The following ABCF3 variants were observed in gnomAD, a reference collection of about 807,000 sequenced individuals.
The protein encoded by ABCF3 is ATP-binding cassette sub-family F member 3.
ABCF3 carries 62 observed loss-of-function variants against 94.3 expected under a neutral mutation model. The ratio of observed to expected loss-of-function variants is 0.66; its 90% CI spans 0.54 to 0.81. The LOEUF (loss-of-function observed/expected upper bound fraction) is 0.81. Among genes scored for constraint, ABCF3 ranks in the 40% least tolerant of loss-of-function variants. The pLI is 0.00. For missense variants in ABCF3, 843 were observed against 925.3 expected, an observed-to-expected ratio of 0.91 and a Z score of 1.15; for synonymous variants, 355 against 361.1, an observed-to-expected ratio of 0.98 and a Z score of 0.19.
In ABCF3 at chr3:184,188,815, G is replaced by T. The variant is rs776220795; in HGVS notation, c.891G>T (p.Glu297Asp). 6.2e-7 allele frequency: 1 copy of T among 1,613,848 alleles called. No homozygotes were observed. Among genetic ancestry groups the T allele is most frequent in the Non-Finnish European group, 8.5e-7 (1 of 1,179,904 alleles). Residue 297 changes from glutamate (E) to aspartate (D), a missense_variant, in exon 8 of 21, where the codon GAG becomes GAT. Coordinates refer to ENST00000429586, the MANE Select transcript of ABCF3 (RefSeq NM_018358.3). ...CAGAAATCTATGCCAAACTGGAGGA[G>T]ATTGAGGCTGACAAGGCACCTGCCA... ...ELAEIYAKLE[E>D]IEADKAPARA...
In ABCF3 at chr3:184,186,658, T is replaced by A. The variant is rs1715640462; in HGVS notation, c.221+4T>A. 1 of 1,604,826 alleles carries A rather than the reference T, an allele frequency of 6.2e-7. No homozygotes were observed. Among genetic ancestry groups the A allele is most frequent in the Non-Finnish European group, 8.5e-7 (1 of 1,174,392 alleles). On this transcript the variant is annotated splice_donor_region_variant and intron_variant, in intron 2 of 20. Transcript: ENST00000429586. Reference sequence around the variant, plus strand: ...GCATGTACAACACTCTGCGTCTGTATGTGCCAGGGAGTAGGGGTTGATGGG... The same window carrying A: ...GCATGTACAACACTCTGCGTCTGTAAGTGCCAGGGAGTAGGGGTTGATGGG...
In ABCF3 at chr3:184,187,245, T is replaced by TTTGTTTTGTA. The variant is rs1440264759; in HGVS notation, c.302-150_302-149insGTTTTGTATT. 5.8e-6 allele frequency: 5 copies of TTTGTTTTGTA among 864,008 alleles called. No homozygotes were observed. In the African/African-American group the frequency reaches 8.4e-5, roughly 14 times the overall value. 53.5% of individuals were successfully genotyped at this position (864,008 alleles called of 1,614,324 possible). Reference sequence around the variant, plus strand: ...TTTGTTTTGTTTTGTTTTGTTTTGTTTTTAGTGCAGGGAAGATAATAGCCA... The same window carrying TTTGTTTTGTA: ...TTTGTTTTGTTTTGTTTTGTTTTGTTTTGTTTTGTATTTAGTGCAGGGAAGATAATAGCCA... On this transcript the variant is annotated intron_variant, in intron 3 of 20. Coordinates refer to ENST00000429586, the MANE Select transcript of ABCF3 (RefSeq NM_018358.3).
At position 184,188,301 on chromosome 3, in the gene ABCF3, G is replaced by T. The variant is rs1715780222; in HGVS notation, c.730G>T (p.Ala244Ser). The T allele has an allele frequency of 2.5e-6, 4 of 1,614,142 alleles. No individual in the cohort carries two copies. Among genetic ancestry groups the T allele is most frequent in the Non-Finnish European group, 3.4e-6 (4 of 1,180,034 alleles). Residue 244 changes from alanine (A) to serine (S), a missense_variant, in exon 7 of 21, where the codon GCT becomes TCT. By Grantham distance (99) the Ala-to-Ser change is moderately conservative. Transcript: ENST00000429586. ...ISLLHVEQEV[A>S]GDDTPALQSV... ...CCTGCTGCACGTTGAGCAAGAGGTT[G>T]CTGGAGATGACACTCCTGCCCTGCA...
intron 14 of ABCF3, chr3:184,190,464 G>T (rs1243971055): frequency 6.0e-6 from 1 of 166,148 alleles, no homozygotes; most frequent in Non-Finnish European, 1.3e-5. Context: ...GCGCAGAATT[G>T]CTGGGTTACC....
At position 184,187,675 on chromosome 3, in the gene ABCF3, A is replaced by G; in HGVS notation, c.360A>G (p.Ala120=). The G allele has an allele frequency of 1.2e-6, 2 of 1,614,202 alleles. No homozygotes were observed. Among genetic ancestry groups the G allele is most frequent in the East Asian group, 2.2e-5 (1 of 44,886 alleles). ...LKREQSSTVN[A]KKLEKAEARL... Reference sequence around the variant, plus strand: ...GTTTGGACCCTTAGACAGTGAATGCAAAGAAGTTAGAGAAGGCCGAGGCTC... The same window carrying G: ...GTTTGGACCCTTAGACAGTGAATGCGAAGAAGTTAGAGAAGGCCGAGGCTC... The change falls in exon 5 of 21, where the codon GCA becomes GCG. Residue 120 remains alanine (A), a synonymous_variant. Coordinates refer to ENST00000429586, the MANE Select transcript of ABCF3 (RefSeq NM_018358.3).
chr3:184,193,103 G>A lies in ABCF3; in HGVS notation c.1752G>A (p.Gly584=), dbSNP rs765836091. The change falls in exon 19 of 21, where the codon GGG becomes GGA. Residue 584 remains glycine, a splice_region_variant and synonymous_variant. Coordinates refer to ENST00000429586, the MANE Select transcript of ABCF3 (RefSeq NM_018358.3). The surrounding 1 kb of genome is among the most constrained non-coding windows in gnomAD (Gnocchi z 5.2). ...CTGATCTGGGGAGTCCTTTTCCAGG[G>A]CGGCCTGAGGAGGAGTACCGTCACC... ...AVELLARKFP[G]RPEEEYRHQL... 4 of 1,535,464 alleles carry A rather than the reference G, an allele frequency of 2.6e-6. No homozygotes were observed. The highest frequency in any genetic ancestry group is 1.3e-5 in the South Asian group (1 of 77,558).
In ABCF3 at chr3:184,189,549, C is replaced by A. The variant is rs2109042474; in HGVS notation, c.1114-8C>A. 1 of 1,614,084 alleles carries A rather than the reference C, an allele frequency of 6.2e-7. No individual in the cohort carries two copies. Among genetic ancestry groups the A allele is most frequent in the East Asian group, 2.2e-5 (1 of 44,872 alleles). On this transcript the variant is annotated splice_region_variant and splice_polypyrimidine_tract_variant and intron_variant, in intron 12 of 20. Transcript: ENST00000429586. ...CCAAACCGGGCCTGCTGTCCTGTGA[C>A]CCCTCAGACGTGGCCCTCCACCATC...
In ABCF3 at chr3:184,193,107, C is replaced by G. The variant is rs1338172672; in HGVS notation, c.1756C>G (p.Pro586Ala). Residue 586 changes from proline to alanine, a missense_variant, in exon 19 of 21, where the codon CCT (proline) becomes GCT (alanine). Transcript: ENST00000429586. The surrounding 1 kb of genome is among the most constrained non-coding windows in gnomAD (Gnocchi z 5.2). ...TCTGGGGAGTCCTTTTCCAGGGCGG[C>G]CTGAGGAGGAGTACCGTCACCAGCT... ...ELLARKFPGR[P>A]EEEYRHQLGR... 6.5e-7 allele frequency: 1 copy of G among 1,537,462 alleles called. No homozygotes were observed. The highest frequency in any genetic ancestry group is 1.3e-5 in the South Asian group (1 of 77,916).
At position 184,193,443 on chromosome 3, in the gene ABCF3, C is replaced by T. The variant is rs763313850; in HGVS notation, c.1962C>T (p.Asn654=). 3 of 1,614,154 alleles carry T rather than the reference C, an allele frequency of 1.9e-6. No individual in the cohort carries two copies. Among genetic ancestry groups the T allele is most frequent in the Non-Finnish European group, 1.7e-6 (2 of 1,180,032 alleles). Reference sequence around the variant, plus strand: ...TTGAGGCTCTGGGCCGTGCCCTCAACAATTTCAGGGTGAGTGTGCCTTCAC... The same window carrying T: ...TTGAGGCTCTGGGCCGTGCCCTCAATAATTTCAGGGTGAGTGTGCCTTCAC... ...ETIEALGRAL[N]NFRGGVILVS... is the part of the protein sequence containing the mutation. Residue 654 remains asparagine, a synonymous_variant, in exon 20 of 21, where the codon AAC becomes AAT. Transcript: ENST00000429586. The surrounding 1 kb of genome is among the most constrained non-coding windows in gnomAD (Gnocchi z 5.2).
chr3:184,187,053 G>A (rs1402762432), intron 3 of ABCF3, 178 bp downstream of exon 3: 10 of 689,188 alleles, frequency 1.5e-5, no homozygotes, highest in Non-Finnish European at 2.4e-5. Context: ...GAGGTTGGAG[G>A]GTTCTCCCTC....
chr3:184,191,078 G>A, intron 15 of ABCF3, 35 bp downstream of exon 15: 4 of 1,614,216 alleles, frequency 2.5e-6, no homozygotes, highest in Non-Finnish European at 3.4e-6. Flanking sequence ...GTGGGGAATT[G>A]CTTGCTTCCA....
chr3:184,187,995 G>C lies in ABCF3; in HGVS notation c.569+12G>C. The C allele has an allele frequency of 3.7e-6, 6 of 1,613,898 alleles. No homozygotes were observed. The highest frequency in any genetic ancestry group is 5.1e-6 in the Non-Finnish European group (6 of 1,180,046). On this transcript the variant is annotated intron_variant, in intron 6 of 20. Transcript: ENST00000429586. The stretch of plus-strand genomic sequence containing the variant: ...TCTTTTGGCGATAGGTGAGGGAATA[G>C]TGGTGGCAGGGGTTGGCTTTCTTTT...
In ABCF3 at chr3:184,193,748, C is replaced by G. The variant is rs1472566471; in HGVS notation, c.*50C>G. ...AGGACATGGACTGGTCTCTCAGACC[C>G]CTGGGCCACCATGTAGGCCACCACT... On this transcript the variant is annotated 3_prime_UTR_variant, in exon 21 of 21. Coordinates refer to ENST00000429586, the MANE Select transcript of ABCF3 (RefSeq NM_018358.3). This position sits in a 1 kb window ranked among gnomAD's most constrained non-coding sequence, Gnocchi z 5.2. 1.3e-6 allele frequency: 2 copies of G among 1,512,354 alleles called. No homozygotes were observed. The highest frequency in any genetic ancestry group is 1.8e-6 in the Non-Finnish European group (2 of 1,126,904). The allele number at this position is 1,512,354 out of a possible 1,614,324, so 93.7% of individuals were successfully genotyped here.
Position 184,193,375 on chromosome 3 carries a change from T to C in ABCF3, c.1894T>C (p.Tyr632His). The change falls in exon 20 of 21, where the codon TAC becomes CAC. Residue 632 changes from tyrosine to histidine, a missense_variant. By Grantham distance (83) the Tyr-to-His change is moderately conservative (BLOSUM62 2). Coordinates refer to ENST00000429586, the MANE Select transcript of ABCF3 (RefSeq NM_018358.3). The surrounding 1 kb of genome is among the most constrained non-coding windows in gnomAD (Gnocchi z 5.2). ...GGTTCTGCCTTCCAGCCCCAACTTCTACATTCTGGATGAACCCACAAACCA... is the reference window on the plus strand; with the variant it reads ...GGTTCTGCCTTCCAGCCCCAACTTCCACATTCTGGATGAACCCACAAACCA... ...AQMTMPCPNFYILDEPTNHLD... is the reference protein window; with the variant it reads ...AQMTMPCPNFHILDEPTNHLD... 6.2e-7 allele frequency: 1 copy of C among 1,614,138 alleles called. No individual in the cohort carries two copies.
rs540406192 is a variant in ABCF3 at position 184,191,574 on chromosome 3, C to T, written c.1569+319C>T. Among the ~76,000 whole-genome samples the T allele has an allele frequency of 2.0e-5, 3 of 152,260 alleles. No homozygotes were observed. In the South Asian group the frequency reaches 6.2e-4, roughly 32 times the overall value. On this transcript the variant is annotated intron_variant, in intron 16 of 20. Coordinates refer to ENST00000429586, the MANE Select transcript of ABCF3 (RefSeq NM_018358.3). ...AGAGAGCATGGGCTTCAGGGTCAGA[C>T]TTCGGATCTTGACTATGCCATTTCC...
intron 16 of ABCF3, among the ~76,000 whole-genome samples, chr3:184,191,569 T>G (rs1256981767): frequency 6.6e-6 from 1 of 152,120 alleles, no homozygotes; most frequent in Non-Finnish European, 1.5e-5. Flanking sequence ...GGCTTCAGGG[T>G]CAGACTTCGG....
At chr3:184,190,933 A>G in intron 14 of ABCF3, 66 bp from the exon 15 acceptor site, 2 of 1,573,384 alleles carry the variant, frequency 1.3e-6, no homozygotes, top group Non-Finnish European at 1.7e-6. Flanking sequence ...CTCTGAACAT[A>G]TATTACTCGT....
Position 184,193,497 on chromosome 3 carries a change from C to T in ABCF3, c.1972-43C>T. On this transcript the variant is annotated intron_variant, in intron 20 of 20. Transcript: ENST00000429586. This position sits in a 1 kb window ranked among gnomAD's most constrained non-coding sequence, Gnocchi z 5.2. The stretch of plus-strand genomic sequence containing the variant: ...GACCACTCCTCCCAGGCCTCGGTGC[C>T]TCTTGTGTCCCCCTGAGCACCTCCT... 1 of 1,614,110 alleles carries T rather than the reference C, an allele frequency of 6.2e-7. No individual in the cohort carries two copies. The highest frequency in any genetic ancestry group is 8.5e-7 in the Non-Finnish European group (1 of 1,179,984).
intron 16 of ABCF3, among the ~76,000 whole-genome samples, chr3:184,191,959 T>A (rs1345019206): frequency 6.6e-6 from 1 of 152,102 alleles, no homozygotes; most frequent in African/African-American, 2.4e-5. Flanking sequence ...TTGGCCAGGC[T>A]GGTCTCAAAC....
Sources: gnomAD v4.1 joint callset for allele counts (sites outside exome capture counted in the v4.1 genomes callset) on GRCh38, gnomAD v4.1.1 for gene constraint, Gnocchi (gnomAD v3.1) non-coding constraint, MANE v1.5 for transcripts, NCBI Gene and HGNC (gene_info 2026-07-23, HGNC 2026-07-21) for gene names.